The following IRS2 variants were observed in gnomAD, a reference collection of about 807,000 sequenced individuals.
The protein encoded by IRS2 is insulin receptor substrate 2.
Under a neutral mutation model 70.9 loss-of-function variants are expected in IRS2, and 28 were observed. The observed-to-expected ratio is 0.39, with a 90% CI of 0.29 to 0.54. The LOEUF is 0.54. IRS2 is among the 20% of genes least tolerant of loss of function. The probability of loss-of-function intolerance (pLI) is 0.59; values close to 1 mark genes in which losing one functional copy is unlikely to be tolerated. For missense variants in IRS2, 2,081 were observed against 2,024.1 expected, an observed-to-expected ratio of 1.03 and a Z score of -0.54; for synonymous variants, 1,217 against 981.9, an observed-to-expected ratio of 1.24 and a Z score of -4.48.
intron 1 of IRS2, among the ~76,000 whole-genome samples, chr13:109,761,237 G>A (rs1877218582): frequency 6.6e-6 from 1 of 152,148 alleles, no homozygotes; most frequent in African/African-American, 2.4e-5. Context: ...GAGCAACACT[G>A]GACCACCCAG....
rs1877775350 is a variant in IRS2, at chr13:109,783,144, C to T, written c.2910G>A (p.Arg970=). Residue 970 remains arginine (R), a synonymous_variant, in exon 1 of 2, where the codon CGG becomes CGA. Coordinates refer to ENST00000375856, the MANE Select transcript of IRS2 (RefSeq NM_003749.3). ...SGTPGTSSDS[R]QRSPLSDYMN... Reference sequence around the variant, plus strand: ...TGTAGTCGGAGAGCGGAGACCGCTGCCGGCTGTCGCTGCTGGTGCCCGGGG... The same window carrying T: ...TGTAGTCGGAGAGCGGAGACCGCTGTCGGCTGTCGCTGCTGGTGCCCGGGG... 1.4e-6 allele frequency: 2 copies of T among 1,380,498 alleles called. No homozygotes were observed. The highest frequency in any genetic ancestry group is 1.9e-6 in the Non-Finnish European group (2 of 1,073,242). 85.5% of individuals were successfully genotyped at this position (1,380,498 alleles called of 1,614,324 possible).
intron 1 of IRS2, among the ~76,000 whole-genome samples, chr13:109,764,080 G>A (rs1040047968): frequency 6.6e-6 from 1 of 152,202 alleles, no homozygotes; most frequent in Non-Finnish European, 1.5e-5. Flanking sequence ...TAGAGTCAAG[G>A]TTGAAGGGTC....
chr13:109,764,649 C>A (rs535052468), intron 1 of IRS2, among the ~76,000 whole-genome samples: 6 of 152,228 alleles, frequency 3.9e-5, no homozygotes, highest in South Asian at 2.1e-4. Flanking sequence ...CCCTGTGCTG[C>A]CAGGGAAAGA....
At chr13:109,759,015 CAA>C (rs959800925) in intron 1 of IRS2, among the ~76,000 whole-genome samples, 1 of 152,026 alleles carries the variant, frequency 6.6e-6, no homozygotes, top group Non-Finnish European at 1.5e-5. Flanking sequence ...TCAAAGGACA[CAA>C]GAGAGCTGAG....
intron 1 of IRS2, 40 bp from the exon 2 acceptor site, chr13:109,756,348 A>C: frequency 6.2e-7 from 1 of 1,602,126 alleles, no homozygotes; most frequent in East Asian, 2.2e-5. Flanking sequence ...GACCCTCAGG[A>C]GAACAGAGCA....
intron 1 of IRS2, among the ~76,000 whole-genome samples, chr13:109,759,602 T>C (rs1877184349): frequency 6.6e-6 from 1 of 152,088 alleles, no homozygotes; most frequent in South Asian, 2.1e-4. Flanking sequence ...TTTTATTCAT[T>C]TGTTAGAGAA....
In IRS2 at chr13:109,767,818, C is replaced by T. The variant is rs1197431128; in HGVS notation, c.4013-11510G>A. ...TGCAATCTCGGCTCGCTGCAACCTCCGCTTCACGGGTTCCAGCGATTCTCC... is the reference window on the plus strand; with the variant it reads ...TGCAATCTCGGCTCGCTGCAACCTCTGCTTCACGGGTTCCAGCGATTCTCC... On this transcript the variant is annotated intron_variant, in intron 1 of 1. Coordinates refer to ENST00000375856, the MANE Select transcript of IRS2 (RefSeq NM_003749.3). Among the ~76,000 whole-genome samples, 5 of 151,672 alleles carry T rather than the reference C, an allele frequency of 3.3e-5. No homozygotes were observed. In the Middle Eastern group the frequency reaches 0.01, roughly 312 times the overall value.
intron 1 of IRS2, among the ~76,000 whole-genome samples, chr13:109,775,785 C>T (rs906672704): frequency 4.6e-5 from 7 of 151,364 alleles, no homozygotes; most frequent in Non-Finnish European, 1.0e-4. Context: ...CACACACACA[C>T]ACACACACAC....
chr13:109,759,067 C>G (rs1021432397), intron 1 of IRS2, among the ~76,000 whole-genome samples: 3 of 152,166 alleles, frequency 2.0e-5, no homozygotes, highest in Non-Finnish European at 4.4e-5. Context: ...CCGCTCAGAG[C>G]CAGGCATGGG....
chr13:109,757,566 C>T (rs1215055669), intron 1 of IRS2, among the ~76,000 whole-genome samples: 3 of 152,146 alleles, frequency 2.0e-5, no homozygotes, highest in Admixed American at 1.3e-4. Flanking sequence ...CATGCTATAG[C>T]CCCCCAAAAA....
At chr13:109,760,846 T>C (rs1184982312) in intron 1 of IRS2, among the ~76,000 whole-genome samples, 1 of 152,188 alleles carries the variant, frequency 6.6e-6, no homozygotes, top group Non-Finnish European at 1.5e-5. Context: ...CCTTGTAATA[T>C]ATGGAACAAT....
Position 109,784,622 on chromosome 13 carries a change from CG to C in IRS2, c.1431del (p.Gly478AlafsTer66). On this transcript the variant is annotated frameshift_variant, in exon 1 of 2. Coordinates refer to ENST00000375856, the MANE Select transcript of IRS2 (RefSeq NM_003749.3). LOFTEE classifies it high-confidence loss of function. The surrounding 1 kb of genome is among the most constrained non-coding windows in gnomAD (Gnocchi z 5.2). The part of the protein sequence containing the change: ...PPLPHPLHHG[P>X]GQRPSSGSAS... ...GCGCTGCCGCTGGAGGGCCGCTGGC[CG>C]GGGCCGTGGTGCAGCGGATGCGGCA... 1.5e-6 allele frequency: 2 copies of C among 1,333,430 alleles called. No individual in the cohort carries two copies. Among genetic ancestry groups the C allele is most frequent in the South Asian group, 2.0e-5 (1 of 50,166 alleles). The allele number at this position is 1,333,430 out of a possible 1,614,324, so 82.6% of individuals were successfully genotyped here. A position where few individuals can be genotyped will look rare whatever the true frequency, so the allele number is the denominator to read the frequency against.
chr13:109,779,889 TAAAC>T (rs1351913231), intron 1 of IRS2, among the ~76,000 whole-genome samples: 2 of 152,214 alleles, frequency 1.3e-5, no homozygotes, highest in African/African-American at 2.4e-5. Context: ...TGGGAAATCT[TAAAC>T]AAAAGCTCAA....
chr13:109,755,632 C>A lies in IRS2; in HGVS notation c.*672G>T. On this transcript the variant is annotated 3_prime_UTR_variant, in exon 2 of 2. Coordinates refer to ENST00000375856, the MANE Select transcript of IRS2 (RefSeq NM_003749.3). ...TAGTAATCCGTCTTCAAAGTCCAAT[C>A]CCAAATTTCACTTCCATTGAGAAAT... The A allele has an allele frequency of 4.9e-6, 1 of 203,034 alleles. No homozygotes were observed. 12.6% of individuals were successfully genotyped at this position (203,034 alleles called of 1,614,324 possible).
In IRS2 at chr13:109,754,993, C is replaced by T. The variant is rs917558349; in HGVS notation, c.*1311G>A. On this transcript the variant is annotated 3_prime_UTR_variant, in exon 2 of 2. Transcript: ENST00000375856. ...AATCAAGTGTCGAGGGAGCAGAAAA[C>T]GGCAGAACATTCTGCCGGTCAAGTT... is the stretch of plus-strand genomic sequence containing the variant. 5 of 226,768 alleles carry T rather than the reference C, an allele frequency of 2.2e-5. No individual in the cohort carries two copies. Among genetic ancestry groups the T allele is most frequent in the Non-Finnish European group, 4.4e-5 (5 of 114,164 alleles). 14.0% of individuals were successfully genotyped at this position (226,768 alleles called of 1,614,324 possible).
chr13:109,763,812 G>C (rs1033181998), intron 1 of IRS2, among the ~76,000 whole-genome samples: 1 of 151,944 alleles, frequency 6.6e-6, no homozygotes, highest in Non-Finnish European at 1.5e-5. Context: ...TTATATTTTT[G>C]CTGCCAAATT....
chr13:109,784,504 C>T lies in IRS2; in HGVS notation c.1550G>A (p.Arg517Gln), dbSNP rs761099871. The change falls in exon 1 of 2, where the codon CGA becomes CAA. Residue 517 changes from arginine (R) to glutamine (Q), a missense_variant. Physicochemically the swap from Arg to Gln is conservative, Grantham distance 43. This residue lies in a region of IRS2 where 1,615 missense variants were observed against 1,459.5 expected (regional missense o/e 1.11). Coordinates refer to ENST00000375856, the MANE Select transcript of IRS2 (RefSeq NM_003749.3). This position sits in a 1 kb window ranked among gnomAD's most constrained non-coding sequence, Gnocchi z 5.2. ...CGCGATGGACTCGGGCGTGTTGCTT[C>T]GGTGGCTGCAGAAGGCGCGCAGGTC... ...PGDLRAFCSH[R>Q]SNTPESIAET... 3.2e-6 allele frequency: 5 copies of T among 1,554,982 alleles called. No individual in the cohort carries two copies. Among genetic ancestry groups the T allele is most frequent in the South Asian group, 1.2e-5 (1 of 86,064 alleles).
chr13:109,761,821 A>G (rs959048532), intron 1 of IRS2, among the ~76,000 whole-genome samples: 3 of 152,216 alleles, frequency 2.0e-5, no homozygotes, highest in African/African-American at 7.2e-5. Flanking sequence ...GACAATTAAA[A>G]TCATTTCATT....
rs947595938 is a variant in IRS2 at position 109,755,494 on chromosome 13, G to C, written c.*810C>G. ...GAGAAGATTAAACAAGTCTGTTAAA[G>C]GTAAAAAGAGATATTCATCCCCTTC... On this transcript the variant is annotated 3_prime_UTR_variant, in exon 2 of 2. Transcript: ENST00000375856. The C allele has an allele frequency of 5.2e-5, 11 of 213,508 alleles. No homozygotes were observed. Among genetic ancestry groups the C allele is most frequent in the Non-Finnish European group, 7.6e-5 (8 of 105,678 alleles). The allele number at this position is 213,508 out of a possible 1,614,324, so 13.2% of individuals were successfully genotyped here.
Sources: allele counts gnomAD v4.1 joint callset (sites outside exome capture counted in the v4.1 genomes callset), GRCh38; gene constraint gnomAD v4.1.1; regional missense constraint gnomAD v4.1.1; non-coding constraint Gnocchi (gnomAD v3.1); transcripts MANE v1.5; gene names NCBI Gene and HGNC (gene_info 2026-07-23, HGNC 2026-07-21).